Variants in GTSE1 observed in about 807,000 individuals in gnomAD.
GTSE1 encodes G2 and S phase-expressed protein 1.
Under a neutral mutation model 60.5 loss-of-function variants are expected in GTSE1, and 52 were observed. The observed-to-expected ratio is 0.86, with a 90% CI of 0.69 to 1.08. The LOEUF is 1.08. Among genes scored for constraint, GTSE1 ranks in the 50% least tolerant of loss-of-function variants. The pLI is 0.00. For missense variants in GTSE1, 937 were observed against 961.8 expected (o/e 0.97, Z 0.34); for synonymous variants, 368 against 386.5 (o/e 0.95, Z 0.56).
chr22:46,330,191 C>G lies in GTSE1; in HGVS notation c.*61C>G, dbSNP rs2077868485. On this transcript the variant is annotated 3_prime_UTR_variant, in exon 12 of 12. Coordinates refer to ENST00000454366, the MANE Select transcript of GTSE1 (RefSeq NM_016426.7). The surrounding 1 kb of genome is among the most constrained non-coding windows in gnomAD (Gnocchi z 6.0). ...TAAAGTGGTTTTCAACCCTCAGAAACAAGCTTTAGGCTGGTCGCAGTGGCT... is the reference window on the plus strand; with the variant it reads ...TAAAGTGGTTTTCAACCCTCAGAAAGAAGCTTTAGGCTGGTCGCAGTGGCT... The G allele has an allele frequency of 2.0e-6, 2 of 1,006,802 alleles. No homozygotes were observed. Among genetic ancestry groups the G allele is most frequent in the Non-Finnish European group, 3.2e-6 (2 of 627,086 alleles). 62.4% of individuals were successfully genotyped at this position (1,006,802 alleles called of 1,614,324 possible).
Position 46,330,173 on chromosome 22 carries a change from GT to G in GTSE1, c.*47del, listed in dbSNP as rs749610290. On this transcript the variant is annotated 3_prime_UTR_variant, in exon 12 of 12. Transcript: ENST00000454366. This position sits in a 1 kb window ranked among gnomAD's most constrained non-coding sequence, Gnocchi z 6.0. ...GCCTTGAAAGAACAGCCCTAAAGTG[GT>G]TTTCAACCCTCAGAAACAAGCTTTA... 1 of 1,192,176 alleles carries G rather than the reference GT, an allele frequency of 8.4e-7. No individual in the cohort carries two copies. The highest frequency in any genetic ancestry group is 2.3e-5 in the East Asian group (1 of 42,938). 73.8% of individuals were successfully genotyped at this position (1,192,176 alleles called of 1,614,324 possible). A position where few individuals can be genotyped will look rare whatever the true frequency, so the allele number is the denominator to read the frequency against.
rs1301321567 is a variant in GTSE1 at position 46,329,899 on chromosome 22, A to T, written c.2137-148A>T. On this transcript the variant is annotated intron_variant, in intron 11 of 11. Coordinates refer to ENST00000454366, the MANE Select transcript of GTSE1 (RefSeq NM_016426.7). This position sits in a 1 kb window ranked among gnomAD's most constrained non-coding sequence, Gnocchi z 6.4. Reference sequence around the variant, plus strand: ...GTCCTGTCTCCTTCCAGCTTCTTAGACGTGGTGGCCCAGAGTGCTTTTCAG... The same window carrying T: ...GTCCTGTCTCCTTCCAGCTTCTTAGTCGTGGTGGCCCAGAGTGCTTTTCAG... 1.6e-6 allele frequency: 1 copy of T among 637,600 alleles called. No individual in the cohort carries two copies. The highest frequency in any genetic ancestry group is 2.7e-5 in the East Asian group (1 of 36,800). The allele number at this position is 637,600 out of a possible 1,614,324, so 39.5% of individuals were successfully genotyped here.
At position 46,321,163 on chromosome 22, in the gene GTSE1, T is replaced by C. The variant is rs2077810356; in HGVS notation, c.1433-2027T>C. 6.6e-6 allele frequency among the ~76,000 whole-genome samples: 1 copy of C among 152,098 alleles called. No homozygotes were observed. Among genetic ancestry groups the C allele is most frequent in the Non-Finnish European group, 1.5e-5 (1 of 68,014 alleles). On this transcript the variant is annotated intron_variant, in intron 7 of 11. Transcript: ENST00000454366. The surrounding 1 kb of genome is among the most constrained non-coding windows in gnomAD (Gnocchi z 4.0). ...GAATGTTCCCAAAAGACAGGGATTATGGGATGACTTAGTCACAGACCACCC... is the reference window on the plus strand; with the variant it reads ...GAATGTTCCCAAAAGACAGGGATTACGGGATGACTTAGTCACAGACCACCC...
intron 2 of GTSE1, among the ~76,000 whole-genome samples, chr22:46,302,734 C>T (rs991328299): frequency 6.6e-6 from 1 of 152,128 alleles, no homozygotes; most frequent in African/African-American, 2.4e-5. Flanking sequence ...AAAGTTTCCT[C>T]ATAGCTGATT....
At chr22:46,312,073 G>A (rs1001482195) in intron 4 of GTSE1, 68 bp from the exon 5 acceptor site, 3 of 1,349,198 alleles carry the variant, frequency 2.2e-6, no homozygotes, top group Admixed American at 4.1e-5. Flanking sequence ...GCTCTGAATG[G>A]AAGCCTGAGT....
chr22:46,328,065 G>A (rs979129697), intron 9 of GTSE1, among the ~76,000 whole-genome samples: 1 of 152,256 alleles, frequency 6.6e-6, no homozygotes, highest in Non-Finnish European at 1.5e-5. Flanking sequence ...AGAAGGTACT[G>A]TGTGTTAGTT....
At chr22:46,307,615 T>C (rs1300138882) in intron 2 of GTSE1, among the ~76,000 whole-genome samples, 1 of 152,118 alleles carries the variant, frequency 6.6e-6, no homozygotes, top group Non-Finnish European at 1.5e-5. Context: ...GCGATTCTCC[T>C]GCCTCAGCCT....
Position 46,312,134 on chromosome 22 carries a change from T to C in GTSE1, c.763-7T>C. ...ACAGTTCTCACAGTTCAAATTAAAA[T>C]TTTCAGCCCAAGAAAGAGATTCCAG... On this transcript the variant is annotated splice_region_variant and splice_polypyrimidine_tract_variant and intron_variant, in intron 4 of 11. Coordinates refer to ENST00000454366, the MANE Select transcript of GTSE1 (RefSeq NM_016426.7). The C allele has an allele frequency of 6.2e-7, 1 of 1,608,474 alleles. No homozygotes were observed. Among genetic ancestry groups the C allele is most frequent in the Non-Finnish European group, 8.5e-7 (1 of 1,176,838 alleles).
At chr22:46,312,048 A>T (rs2077751335) in intron 4 of GTSE1, 93 bp from the exon 5 acceptor site, 5 of 1,054,242 alleles carry the variant, frequency 4.7e-6, no homozygotes, top group Non-Finnish European at 5.6e-6. Context: ...ACTGGGGAAG[A>T]TGGGGCCTAG....
chr22:46,312,049 T>C, intron 4 of GTSE1, 92 bp from the exon 5 acceptor site: 1 of 1,067,324 alleles, frequency 9.4e-7, no homozygotes, highest in Non-Finnish European at 1.4e-6. Context: ...CTGGGGAAGA[T>C]GGGGCCTAGG....
At chr22:46,300,289 G>T (rs1367067339) in intron 2 of GTSE1, among the ~76,000 whole-genome samples, 1 of 152,036 alleles carries the variant, frequency 6.6e-6, no homozygotes, top group Non-Finnish European at 1.5e-5. Flanking sequence ...GTAGAGACGG[G>T]GTTTCACCAT....
Position 46,323,262 on chromosome 22 carries a change from G to A in GTSE1, c.1505G>A (p.Arg502Lys). 1 of 1,611,082 alleles carries A rather than the reference G, an allele frequency of 6.2e-7. No homozygotes were observed. Among genetic ancestry groups the A allele is most frequent in the Non-Finnish European group, 8.5e-7 (1 of 1,177,244 alleles). ...QRPQSCTSVG[R>K]VTVHSTPVRR... Reference sequence around the variant, plus strand: ...CCGCAGTCGTGCACGTCAGTTGGCAGGTGAGTGACGTTGGTCCGCTTCCTC... The same window carrying A: ...CCGCAGTCGTGCACGTCAGTTGGCAAGTGAGTGACGTTGGTCCGCTTCCTC... The change falls in exon 8 of 12, where the codon AGG (arginine) becomes AAG (lysine). Residue 502 changes from arginine to lysine, a missense_variant and splice_region_variant. Coordinates refer to ENST00000454366, the MANE Select transcript of GTSE1 (RefSeq NM_016426.7).
Position 46,317,034 on chromosome 22 carries a change from G to A in GTSE1, c.1432+622G>A, listed in dbSNP as rs550624133. Among the ~76,000 whole-genome samples, 1 of 151,478 alleles carries A rather than the reference G, an allele frequency of 6.6e-6. No homozygotes were observed. Among genetic ancestry groups the A allele is most frequent in the Non-Finnish European group, 1.5e-5 (1 of 67,932 alleles). ...TGGAATGCAGTGGCGCGATCTCAGCGCACTGTAACCTCCACCTACCGAGTT... is the reference window on the plus strand; with the variant it reads ...TGGAATGCAGTGGCGCGATCTCAGCACACTGTAACCTCCACCTACCGAGTT... On this transcript the variant is annotated intron_variant, in intron 7 of 11. Coordinates refer to ENST00000454366, the MANE Select transcript of GTSE1 (RefSeq NM_016426.7). The surrounding 1 kb of genome is among the most constrained non-coding windows in gnomAD (Gnocchi z 5.6).
chr22:46,327,048 C>T (rs951767130), intron 9 of GTSE1: 1 of 173,332 alleles, frequency 5.8e-6, no homozygotes, highest in East Asian at 1.9e-4. Context: ...ACAAAAAATA[C>T]AAAAATAAGC....
At position 46,324,513 on chromosome 22, in the gene GTSE1, G is replaced by T. The variant is rs143130344; in HGVS notation, c.1505+1251G>T. ...CTCCCAAGTAGCTGGGACTACAGGC[G>T]CCCGCCACCACGCCCGGCTAAGTTT... On this transcript the variant is annotated intron_variant, in intron 8 of 11. Transcript: ENST00000454366. This position sits in a 1 kb window ranked among gnomAD's most constrained non-coding sequence, Gnocchi z 5.2. 5.9e-5 allele frequency among the ~76,000 whole-genome samples: 9 copies of T among 151,842 alleles called. No individual in the cohort carries two copies. Among genetic ancestry groups the T allele is most frequent in the Non-Finnish European group, 1.2e-4 (8 of 67,944 alleles).
At chr22:46,300,977 G>C (rs2077686171) in intron 2 of GTSE1, among the ~76,000 whole-genome samples, 1 of 152,208 alleles carries the variant, frequency 6.6e-6, no homozygotes, top group Admixed American at 6.5e-5. Context: ...AACACGCATA[G>C]AGTGTTGCAT....
At position 46,304,911 on chromosome 22, in the gene GTSE1, C is replaced by T. The variant is rs373543754; in HGVS notation, c.80-3239C>T. On this transcript the variant is annotated intron_variant, in intron 2 of 11. Transcript: ENST00000454366. The surrounding 1 kb of genome is among the most constrained non-coding windows in gnomAD (Gnocchi z 4.4). ...GGAGGATCCCTCGAGTCCAGGAGTT[C>T]GAGGCTGCAGTGAGCTATGATTGTA... Among the ~76,000 whole-genome samples, 7 of 152,010 alleles carry T rather than the reference C, an allele frequency of 4.6e-5. No homozygotes were observed. Among genetic ancestry groups the T allele is most frequent in the South Asian group, 2.1e-4 (1 of 4,818 alleles).
rs908416120 is a variant in GTSE1, at chr22:46,316,956, CT to C, written c.1432+553del. Among the ~76,000 whole-genome samples the C allele has an allele frequency of 1.3e-5, 2 of 149,140 alleles. No homozygotes were observed. The highest frequency in any genetic ancestry group is 3.0e-5 in the Non-Finnish European group (2 of 67,164). On this transcript the variant is annotated intron_variant, in intron 7 of 11. Coordinates refer to ENST00000454366, the MANE Select transcript of GTSE1 (RefSeq NM_016426.7). This position sits in a 1 kb window ranked among gnomAD's most constrained non-coding sequence, Gnocchi z 5.0. ...CTTATCTTTTTTCTTTTCTTTCTTT[CT>C]TTTTTTTTGTTTTTTGTTTTTTGAG...
At chr22:46,301,484 A>AT (rs130639) in intron 2 of GTSE1, among the ~76,000 whole-genome samples, 150,497 of 150,500 alleles carry the variant, frequency 1, 75,247 homozygotes, top group Middle Eastern at 1. Context: ...TTTATTTTTA[A>AT]TACTTTTTTT....
Sources: allele counts gnomAD v4.1 joint callset (sites outside exome capture counted in the v4.1 genomes callset), GRCh38; gene constraint gnomAD v4.1.1; non-coding constraint Gnocchi (gnomAD v3.1); transcripts MANE v1.5; gene names NCBI Gene and HGNC (gene_info 2026-07-23, HGNC 2026-07-21).